Variants in NBAS observed in about 807,000 individuals in gnomAD.
NBAS encodes NBAS subunit of NRZ tethering complex, also known as NAG/BC035112 fusion.
In NBAS, 219 loss-of-function variants were observed where a neutral mutation model predicts 302.5. That is an observed-to-expected ratio of 0.72 (90% CI 0.65 to 0.81). The LOEUF (loss-of-function observed/expected upper bound fraction) is 0.81. Ranked by LOEUF, NBAS falls within the 30% of genes least tolerant of loss-of-function variation. The pLI is 0.00. For missense variants in NBAS, 2,932 were observed against 2,841.6 expected, an observed-to-expected ratio of 1.03 and a Z score of -0.72; for synonymous variants, 1,118 against 1,021.6, an observed-to-expected ratio of 1.09 and a Z score of -1.80.
chr2:15,238,380 C>G (rs1332839247), intron 45 of NBAS, 88 bp downstream of exon 45: 1 of 1,341,968 alleles, frequency 7.5e-7, no homozygotes. Context: ...GCCTGAAAAC[C>G]CTGTCAAAAC....
chr2:15,539,394 T>C (rs773828590), intron 6 of NBAS, 38 bp from the exon 7 acceptor site: 2 of 1,612,982 alleles, frequency 1.2e-6, no homozygotes, highest in South Asian at 1.1e-5. Flanking sequence ...TCTAACAATA[T>C]ATTACAAAGA....
chr2:14,823,989 C>T, the NBAS span, among the ~76,000 whole-genome samples: 1 of 152,198 alleles, frequency 6.6e-6, no homozygotes, highest in Admixed American at 6.5e-5. Flanking sequence ...CCTGAATCAC[C>T]GTGATGTCTG....
intron 21 of NBAS, among the ~76,000 whole-genome samples, chr2:15,440,881 C>A (rs528664657): frequency 6.6e-6 from 1 of 151,564 alleles, no homozygotes; most frequent in Non-Finnish European, 1.5e-5. Context: ...GGAGCCGATG[C>A]GATCAACTGG....
the NBAS span, among the ~76,000 whole-genome samples, chr2:14,971,755 G>A: frequency 6.6e-6 from 1 of 152,142 alleles, no homozygotes; most frequent in Admixed American, 6.5e-5. Context: ...CATGCTTGTG[G>A]AGTCATGAAC....
intron 10 of NBAS, among the ~76,000 whole-genome samples, chr2:15,510,422 G>C (rs995475623): frequency 2.6e-5 from 4 of 152,116 alleles, no homozygotes; most frequent in Admixed American, 1.3e-4. Flanking sequence ...AACGGAGATA[G>C]TGGGACCCCA....
At chr2:15,218,674 C>T in intron 48 of NBAS, 99 bp downstream of exon 48, 1 of 1,512,338 alleles carries the variant, frequency 6.6e-7, no homozygotes. Flanking sequence ...GTGATCCTCC[C>T]ACCTTGGCCT....
chr2:15,225,175 G>C (rs145014690), intron 47 of NBAS, among the ~76,000 whole-genome samples: 178 of 152,188 alleles, frequency 1.2e-3, no homozygotes, highest in African/African-American at 3.9e-3. Flanking sequence ...TATCTTCCTG[G>C]GTTCTTGGAG....
chr2:15,339,238 A>C (rs1672739426), intron 35 of NBAS, among the ~76,000 whole-genome samples: 1 of 152,146 alleles, frequency 6.6e-6, no homozygotes, highest in African/African-American at 2.4e-5. Flanking sequence ...AGTTTACTGA[A>C]CACATAATTT....
In NBAS at chr2:15,238,684, C is replaced by G. The variant is rs34080125; in HGVS notation, c.5727G>C (p.Leu1909=). The G allele has an allele frequency of 0.023, 34,226 of 1,504,218 alleles. 1,084 individuals carry two copies. Among genetic ancestry groups the G allele is most frequent in the East Asian group, 0.13 (5,319 of 41,806 alleles). 93.2% of individuals were successfully genotyped at this position (1,504,218 alleles called of 1,614,324 possible). A position where few individuals can be genotyped will look rare whatever the true frequency, so the allele number is the denominator to read the frequency against. Residue 1909 remains leucine, a splice_region_variant and synonymous_variant, in exon 45 of 52, where the codon CTG becomes CTC. Coordinates refer to ENST00000281513, the MANE Select transcript of NBAS (RefSeq NM_015909.4). ...TCATCTCTTTACGGGCTTCCACAGA[C>G]AGCTTAAAAAAAAGAATAGTGAGAC... ...VTFSPKAVTK[L]SVEARKEMTR...
chr2:15,307,916 T>C (rs556767783), intron 40 of NBAS, among the ~76,000 whole-genome samples: 2 of 152,312 alleles, frequency 1.3e-5, no homozygotes, highest in African/African-American at 4.8e-5. Flanking sequence ...AAAACAATTC[T>C]CCATTTTGCC....
chr2:15,070,878 A>G, the NBAS span, among the ~76,000 whole-genome samples: 3 of 152,198 alleles, frequency 2.0e-5, no homozygotes, highest in Admixed American at 1.3e-4. Context: ...TGAGCCCTTT[A>G]TCTCACAGCA....
At chr2:15,300,048 C>G (rs536855024) in intron 40 of NBAS, among the ~76,000 whole-genome samples, 3 of 152,318 alleles carry the variant, frequency 2.0e-5, no homozygotes, top group Non-Finnish European at 4.4e-5. Context: ...GCGAGGGAGG[C>G]AGCTCCATGG....
At chr2:15,135,141 A>G in the NBAS span, among the ~76,000 whole-genome samples, 1 of 152,222 alleles carries the variant, frequency 6.6e-6, no homozygotes, top group Non-Finnish European at 1.5e-5. Context: ...AGATTTCTCC[A>G]TCAGTGGCTC....
intron 22 of NBAS, 108 bp from the exon 23 acceptor site, chr2:15,424,576 G>C (rs973461629): frequency 3.1e-5 from 39 of 1,264,790 alleles, no homozygotes; most frequent in Non-Finnish European, 1.3e-5. Context: ...AAGAGACAGG[G>C]AGCATACATG....
At chr2:14,844,032 T>G in the NBAS span, among the ~76,000 whole-genome samples, 2 of 152,032 alleles carry the variant, frequency 1.3e-5, no homozygotes, top group South Asian at 2.1e-4. Flanking sequence ...CCAGTGAACT[T>G]AGGGGGCATG....
the NBAS span, among the ~76,000 whole-genome samples, chr2:15,083,063 G>C: frequency 6.6e-6 from 1 of 152,208 alleles, no homozygotes; most frequent in Admixed American, 6.5e-5. Flanking sequence ...AGTGGGCCTG[G>C]CAGTTAATTA....
At chr2:14,847,920 T>C in the NBAS span, among the ~76,000 whole-genome samples, 1 of 152,230 alleles carries the variant, frequency 6.6e-6, no homozygotes, top group Non-Finnish European at 1.5e-5. Flanking sequence ...ATTGAAATTA[T>C]ATCAAGCATC....
At chr2:14,787,893 C>T in the NBAS span, among the ~76,000 whole-genome samples, 4 of 152,274 alleles carry the variant, frequency 2.6e-5, no homozygotes, top group African/African-American at 9.6e-5. Flanking sequence ...GGGAAGTTCT[C>T]CTGGATAACA....
At chr2:15,232,600 TG>T in intron 46 of NBAS, 89 bp from the exon 47 acceptor site, 9 of 1,233,272 alleles carry the variant, frequency 7.3e-6, no homozygotes, top group Non-Finnish European at 1.0e-5. Context: ...TGAACCTGGC[TG>T]GATTTTGGCA....
Sources: allele counts gnomAD v4.1 joint callset (sites outside exome capture counted in the v4.1 genomes callset), GRCh38; gene constraint gnomAD v4.1.1; transcripts MANE v1.5; gene names NCBI Gene and HGNC (gene_info 2026-07-23, HGNC 2026-07-21).